The following ZNF212 variants were observed in gnomAD, a reference collection of about 807,000 sequenced individuals.
The protein encoded by ZNF212 is Zinc finger protein C2H2-150.
Under a neutral mutation model 47.3 loss-of-function variants are expected in ZNF212, and 32 were observed. That is an observed-to-expected ratio of 0.68 (90% CI 0.51 to 0.91). ZNF212 has a LOEUF of 0.91. ZNF212 is among the 40% of genes least tolerant of loss of function. The pLI is 0.00. For missense variants in ZNF212, 555 were observed against 622.8 expected (o/e 0.89, Z 1.16); for synonymous variants, 242 against 253.8 (o/e 0.95, Z 0.44).
At chr7:149,247,347 T>C (rs981167249) in intron 1 of ZNF212, among the ~76,000 whole-genome samples, 1 of 152,014 alleles carries the variant, frequency 6.6e-6, no homozygotes, top group Non-Finnish European at 1.5e-5. Flanking sequence ...TGGGCTCAAG[T>C]GATCCATCTT....
At chr7:149,248,218 C>G (rs1796704763) in intron 1 of ZNF212, among the ~76,000 whole-genome samples, 1 of 152,152 alleles carries the variant, frequency 6.6e-6, no homozygotes, top group Non-Finnish European at 1.5e-5. Context: ...TTGGTGAGGA[C>G]AAACCATAGT....
Position 149,250,201 on chromosome 7 carries a change from C to T in ZNF212, c.67C>T (p.Leu23Phe), listed in dbSNP as rs1796732096. The T allele has an allele frequency of 1.3e-6, 2 of 1,563,460 alleles. No homozygotes were observed. The highest frequency in any genetic ancestry group is 3.8e-5 in the Admixed American group (2 of 52,620). Residue 23 changes from leucine to phenylalanine, a missense_variant, in exon 2 of 5, where the codon CTT becomes TTT. By Grantham distance (22) the Leu-to-Phe change is conservative. Transcript: ENST00000335870. ...RRSTPLTSST[L>F]PSQATEKSSY... Reference sequence around the variant, plus strand: ...CTCCACACCTTTAACTTCTTCCACACTTCCTTCACAAGCAACAGAGAAAAG... The same window carrying T: ...CTCCACACCTTTAACTTCTTCCACATTTCCTTCACAAGCAACAGAGAAAAG...
chr7:149,239,752 T>C lies in ZNF212; in HGVS notation c.-27T>C. 1 of 1,274,998 alleles carries C rather than the reference T, an allele frequency of 7.8e-7. No homozygotes were observed. Among genetic ancestry groups the C allele is most frequent in the Non-Finnish European group, 1.0e-6 (1 of 1,004,292 alleles). The allele number at this position is 1,274,998 out of a possible 1,614,324, so 79.0% of individuals were successfully genotyped here. A position where few individuals can be genotyped will look rare whatever the true frequency, so the allele number is the denominator to read the frequency against. On this transcript the variant is annotated 5_prime_UTR_variant, in exon 1 of 5. Coordinates refer to ENST00000335870, the MANE Select transcript of ZNF212 (RefSeq NM_012256.4). ...GCAGCACGGGGGCTCCGAGGCGGGG[T>C]CTGGGTGTTGAGGGGCGACTGGAGC...
chr7:149,249,206 A>C (rs1466364986), intron 1 of ZNF212, among the ~76,000 whole-genome samples: 1 of 152,242 alleles, frequency 6.6e-6, no homozygotes, highest in African/African-American at 2.4e-5. Context: ...GAAAATTATA[A>C]GGAAAATGTC....
chr7:149,249,437 A>T (rs1796721029), intron 1 of ZNF212, among the ~76,000 whole-genome samples: 1 of 152,220 alleles, frequency 6.6e-6, no homozygotes, highest in Non-Finnish European at 1.5e-5. Flanking sequence ...GACATCTTTT[A>T]TCATATAGTC....
chr7:149,251,941 T>TTA (rs1198353594), intron 3 of ZNF212, among the ~76,000 whole-genome samples: 112 of 109,532 alleles, frequency 1.0e-3, no homozygotes, highest in African/African-American at 3.8e-3. Flanking sequence ...CTCTGTTGCT[T>TTA]AAAAAAAAAA....
Position 149,254,547 on chromosome 7 carries a change from A to C in ZNF212, c.*132A>C, listed in dbSNP as rs1203411406. The C allele has an allele frequency of 3.7e-6, 5 of 1,341,582 alleles. No homozygotes were observed. The highest frequency in any genetic ancestry group is 4.9e-6 in the Non-Finnish European group (5 of 1,014,332). 83.1% of individuals were successfully genotyped at this position (1,341,582 alleles called of 1,614,324 possible). A position where few individuals can be genotyped will look rare whatever the true frequency, so the allele number is the denominator to read the frequency against. ...ATTGCCTTCCCTTGTCCCAGTACCA[A>C]GCCAAGCCCAAAGGCTGTCCTGAAA... is the stretch of plus-strand genomic sequence containing the variant. On this transcript the variant is annotated 3_prime_UTR_variant, in exon 5 of 5. Transcript: ENST00000335870. This position sits in a 1 kb window ranked among gnomAD's most constrained non-coding sequence, Gnocchi z 4.5.
chr7:149,240,361 G>C (rs1247086269), intron 1 of ZNF212, among the ~76,000 whole-genome samples: 2 of 151,282 alleles, frequency 1.3e-5, no homozygotes, highest in African/African-American at 4.9e-5. Context: ...TGTTTGTAGA[G>C]CTGCCCAAAC....
In ZNF212 at chr7:149,250,175, G is replaced by T; in HGVS notation, c.41G>T (p.Arg14Leu). The T allele has an allele frequency of 2.0e-6, 3 of 1,529,484 alleles. No homozygotes were observed. The highest frequency in any genetic ancestry group is 1.8e-6 in the Non-Finnish European group (2 of 1,140,920). 94.7% of individuals were successfully genotyped at this position (1,529,484 alleles called of 1,614,324 possible). A position where few individuals can be genotyped will look rare whatever the true frequency, so the allele number is the denominator to read the frequency against. The change falls in exon 2 of 5, where the codon CGC becomes CTC. Residue 14 changes from arginine (R) to leucine (L), a missense_variant. Arg to Leu is a moderately radical substitution (Grantham distance 102). Transcript: ENST00000335870. ...ATCCATCAGCACAGGAGAAAACGAC[G>T]CTCCACACCTTTAACTTCTTCCACA... Reference protein sequence around the residue: ...SAPARHRRKRRSTPLTSSTLP... With the variant: ...SAPARHRRKRLSTPLTSSTLP...
intron 3 of ZNF212, 26 bp from the exon 4 acceptor site, chr7:149,252,680 C>T (rs1278412512): frequency 6.2e-7 from 1 of 1,610,670 alleles, no homozygotes; most frequent in Non-Finnish European, 8.5e-7. Flanking sequence ...CTCTCCTGGG[C>T]TCACACTGTG....
chr7:149,250,734 G>A lies in ZNF212; in HGVS notation c.468G>A (p.Glu156=), dbSNP rs762760713. The A allele has an allele frequency of 7.4e-6, 12 of 1,614,122 alleles. No individual in the cohort carries two copies. Among genetic ancestry groups the A allele is most frequent in the Admixed American group, 3.3e-5 (2 of 60,008 alleles). ...DGVCFTEQEW[E]NLEDWQKELY... The stretch of plus-strand genomic sequence containing the variant: ...TCTGTTTCACCGAGCAGGAATGGGA[G>A]AATCTGGAGGATTGGCAGAAGGAGC... The change falls in exon 3 of 5, where the codon GAG becomes GAA. Residue 156 remains glutamate, a synonymous_variant. Coordinates refer to ENST00000335870, the MANE Select transcript of ZNF212 (RefSeq NM_012256.4).
intron 1 of ZNF212, 22 bp downstream of exon 1, chr7:149,239,824 G>T: frequency 7.9e-7 from 1 of 1,271,654 alleles, no homozygotes. Context: ...CCGGCGCGCT[G>T]GCTCGAGGGC....
chr7:149,239,712 C>G lies in ZNF212; in HGVS notation c.-67C>G, dbSNP rs553368420. On this transcript the variant is annotated 5_prime_UTR_variant, in exon 1 of 5. Transcript: ENST00000335870. ...CGGCTTCCAACAGGCTCTGGGGCGC[C>G]GAGCGGACAGGAACGCAGCACGGGG... 3.1e-6 allele frequency: 4 copies of G among 1,281,600 alleles called. No homozygotes were observed. Among genetic ancestry groups the G allele is most frequent in the Non-Finnish European group, 4.0e-6 (4 of 1,008,982 alleles). The allele number at this position is 1,281,600 out of a possible 1,614,324, so 79.4% of individuals were successfully genotyped here.
intron 3 of ZNF212, 152 bp downstream of exon 3, chr7:149,250,959 C>T: frequency 2.0e-6 from 2 of 1,013,656 alleles, no homozygotes; most frequent in Non-Finnish European, 2.8e-6. Flanking sequence ...TAGGTCCTCC[C>T]ATTTACAGAC....
At chr7:149,251,921 A>C (rs1256275193) in intron 3 of ZNF212, among the ~76,000 whole-genome samples, 1 of 147,290 alleles carries the variant, frequency 6.8e-6, no homozygotes, top group Non-Finnish European at 1.5e-5. Flanking sequence ...CCTGGTCGAC[A>C]TAGTGAGATC....
In ZNF212 at chr7:149,244,231, G is replaced by A. The variant is rs190317205; in HGVS notation, c.24+4429G>A. ...GTTACAGGCACGAGCCACTGTGCCC[G>A]GCTAATTTTATTTAACCAGCCACAT... On this transcript the variant is annotated intron_variant, in intron 1 of 4. Transcript: ENST00000335870. Among the ~76,000 whole-genome samples, 51 of 152,214 alleles carry A rather than the reference G, an allele frequency of 3.4e-4. No homozygotes were observed. In the East Asian group the frequency reaches 9.3e-3, roughly 28 times the overall value.
chr7:149,246,405 C>T (rs1440237997), intron 1 of ZNF212, among the ~76,000 whole-genome samples: 10 of 146,470 alleles, frequency 6.8e-5, no homozygotes, highest in South Asian at 6.4e-4. Flanking sequence ...TTTTTTGAGA[C>T]GGAGTCTTAT....
intron 1 of ZNF212, among the ~76,000 whole-genome samples, chr7:149,240,864 A>T (rs1428101892): frequency 6.6e-6 from 1 of 152,224 alleles, no homozygotes; most frequent in Non-Finnish European, 1.5e-5. Context: ...AAAGTGCGTT[A>T]AGAACTAAGA....
rs374690773 is a variant in ZNF212, at chr7:149,239,777, C to A, written c.-2C>A. On this transcript the variant is annotated 5_prime_UTR_variant, in exon 1 of 5. Transcript: ENST00000335870. ...TCTGGGTGTTGAGGGGCGACTGGAG[C>A]CATGGCGGAGTCGGCGCCTGCTCGG... 8.0e-5 allele frequency: 102 copies of A among 1,276,440 alleles called. No individual in the cohort carries two copies. The highest frequency in any genetic ancestry group is 9.9e-5 in the Non-Finnish European group (99 of 1,003,818). 79.1% of individuals were successfully genotyped at this position (1,276,440 alleles called of 1,614,324 possible).
Sources: gnomAD v4.1 joint callset for allele counts (sites outside exome capture counted in the v4.1 genomes callset) on GRCh38, gnomAD v4.1.1 for gene constraint, Gnocchi (gnomAD v3.1) non-coding constraint, MANE v1.5 for transcripts, NCBI Gene and HGNC (gene_info 2026-07-23, HGNC 2026-07-21) for gene names.